The following NBPF26 variants were observed in gnomAD, a reference collection of about 807,000 sequenced individuals.
NBPF26 encodes the protein NBPF member 26, also known as NBPF family member NBPF26.
Under a neutral mutation model 119.6 loss-of-function variants are expected in NBPF26, and 79 were observed. That is an observed-to-expected ratio of 0.66 (90% CI 0.55 to 0.80). NBPF26 has a LOEUF of 0.80. Ranked by LOEUF, NBPF26 falls within the 30% of genes least tolerant of loss-of-function variation. NBPF26 has a pLI of 0.00. For missense variants in NBPF26, 800 were observed against 1,198.2 expected (o/e 0.67, Z 4.91); for synonymous variants, 299 against 457.7 (o/e 0.65, Z 4.43).
Position 120,802,359 on chromosome 1 carries a change from A to G in NBPF26, c.752-3197A>G, listed in dbSNP as rs1651592403. On this transcript the variant is annotated intron_variant, in intron 4 of 29. Transcript: ENST00000620612. Reference sequence around the variant, plus strand: ...CATTGAGCTGCATCACATCATTCCAAAGCCAAAACACAACAGCAGGACAAG... The same window carrying G: ...CATTGAGCTGCATCACATCATTCCAGAGCCAAAACACAACAGCAGGACAAG... Among the ~76,000 whole-genome samples the G allele has an allele frequency of 2.4e-5, 3 of 126,172 alleles. 1 individual carries two copies. The highest frequency in any genetic ancestry group is 4.9e-5 in the Non-Finnish European group (3 of 61,632). 82.8% of individuals were successfully genotyped at this position (126,172 alleles called of 152,430 possible). A position where few individuals can be genotyped will look rare whatever the true frequency, so the allele number is the denominator to read the frequency against.
At position 120,814,882 on chromosome 1, in the gene NBPF26, A is replaced by C. The variant is rs1651972603; in HGVS notation, c.1931A>C (p.Glu644Ala). 28 of 1,257,002 alleles carry C rather than the reference A, an allele frequency of 2.2e-5. 6 individuals carry two copies. The Admixed American group carries it at 4.7e-4, about 21-fold the overall frequency. The allele number at this position is 1,257,002 out of a possible 1,614,324, so 77.9% of individuals were successfully genotyped here. The change falls in exon 12 of 30, where the codon GAG (glutamate) becomes GCG (alanine). Residue 644 changes from glutamate to alanine, a missense_variant. Physicochemically the swap from Glu to Ala is moderately radical, Grantham distance 107. This residue lies in a region of NBPF26 where 22 missense variants were observed against 33.0 expected (regional missense o/e 0.67). Coordinates refer to ENST00000620612, the Ensembl canonical transcript of NBPF26. ...GAACGAGAGCTGACCCAGTTAAGGG[A>C]GAAGTTGCGGGAAGGGAGAGATGCC...
intron 4 of NBPF26, among the ~76,000 whole-genome samples, chr1:120,795,917 AAT>A (rs1207962421): frequency 5.3e-4 from 9 of 17,056 alleles, no homozygotes; most frequent in South Asian, 2.9e-3. Flanking sequence ...GTTACATATC[AAT>A]ATGTGTGTGT....
chr1:120,790,671 C>T (rs1651482361), intron 3 of NBPF26, among the ~76,000 whole-genome samples: 1 of 108,982 alleles, frequency 9.2e-6, no homozygotes, highest in Admixed American at 9.0e-5. Context: ...GCAGTCTCGG[C>T]TCACTGCAAC....
chr1:120,782,580 G>A (rs1218243984), intron 2 of NBPF26, among the ~76,000 whole-genome samples: 2 of 96,676 alleles, frequency 2.1e-5, no homozygotes, highest in African/African-American at 5.1e-5. Flanking sequence ...GGCCTTTTGT[G>A]TGTGGCTTCT....
At position 120,784,818 on chromosome 1, in the gene NBPF26, T is replaced by A. The variant is rs1164382407; in HGVS notation, c.156-156T>A. 4.2e-5 allele frequency among the ~76,000 whole-genome samples: 5 copies of A among 119,194 alleles called. 1 individual carries two copies. Among genetic ancestry groups the A allele is most frequent in the Admixed American group, 3.2e-4 (4 of 12,540 alleles). The allele number at this position is 119,194 out of a possible 152,430, so 78.2% of individuals were successfully genotyped here. A position where few individuals can be genotyped will look rare whatever the true frequency, so the allele number is the denominator to read the frequency against. On this transcript the variant is annotated intron_variant, in intron 2 of 29. Transcript: ENST00000620612. ...GTACGTGGTTAAGTTCTCTAAGGACTCTTTCTTCTAAAGGGAAGCAGTTTT... is the reference window on the plus strand; with the variant it reads ...GTACGTGGTTAAGTTCTCTAAGGACACTTTCTTCTAAAGGGAAGCAGTTTT...
chr1:120,801,744 G>A (rs1651584214), intron 4 of NBPF26, among the ~76,000 whole-genome samples: 2 of 95,232 alleles, frequency 2.1e-5, no homozygotes, highest in East Asian at 2.5e-4. Flanking sequence ...CAGGAGGATC[G>A]CTTGAGCCTA....
At chr1:120,778,606 G>GTTT (rs1295507724) in intron 2 of NBPF26, among the ~76,000 whole-genome samples, 1 of 16,410 alleles carries the variant, frequency 6.1e-5, no homozygotes, top group Non-Finnish European at 9.7e-5. Context: ...CCAAATCCTC[G>GTTT]TTTTAAAAAA....
In NBPF26 at chr1:120,840,221, T is replaced by C; in HGVS notation, c.4104-129T>C. On this transcript the variant is annotated intron_variant, in intron 29 of 29. Transcript: ENST00000620612. ...CCAACATAAAGGCAATAAATTTTTT[T>C]TTTACCTCATTAATGGATCTATCCT... 3.7e-6 allele frequency: 5 copies of C among 1,341,726 alleles called. 1 individual carries two copies. Among genetic ancestry groups the C allele is most frequent in the Non-Finnish European group, 4.9e-6 (5 of 1,018,100 alleles). 83.1% of individuals were successfully genotyped at this position (1,341,726 alleles called of 1,614,324 possible). A position where few individuals can be genotyped will look rare whatever the true frequency, so the allele number is the denominator to read the frequency against.
chr1:120,793,478 G>C lies in NBPF26; in HGVS notation c.733G>C (p.Glu245Gln). 8 of 1,387,252 alleles carry C rather than the reference G, an allele frequency of 5.8e-6. 2 individuals are homozygous for C. Among genetic ancestry groups the C allele is most frequent in the Non-Finnish European group, 7.8e-6 (8 of 1,032,242 alleles). The allele number at this position is 1,387,252 out of a possible 1,614,324, so 85.9% of individuals were successfully genotyped here. A position where few individuals can be genotyped will look rare whatever the true frequency, so the allele number is the denominator to read the frequency against. Residue 245 changes from glutamate to glutamine, a missense_variant, in exon 4 of 30, where the codon GAG (glutamate) becomes CAG (glutamine). Glu to Gln is a conservative substitution (Grantham distance 29). Around this residue, in one of 13 missense-constraint regions of NBPF26, gnomAD observed 155 missense variants for 143.7 expected, o/e 1.08. Coordinates refer to ENST00000620612, the Ensembl canonical transcript of NBPF26. ...TCGGCAGACTGGTGACTTCACTTTT[G>C]AGTGCAACTGCCTTCCAGGTAAGGA...
At chr1:120,765,405 C>T (rs1651180372) in intron 2 of NBPF26, among the ~76,000 whole-genome samples, 1 of 63,154 alleles carries the variant, frequency 1.6e-5, no homozygotes, top group Admixed American at 1.6e-4. Flanking sequence ...TAGTCTTATG[C>T]ATTTTTTGCA....
Position 120,814,942 on chromosome 1 carries a change from TCACTCCGGATGAGC to T in NBPF26, c.1993_2006del (p.Thr665GlyfsTer14). The T allele has an allele frequency of 9.1e-7, 1 of 1,093,618 alleles. No homozygotes were observed. Among genetic ancestry groups the T allele is most frequent in the Non-Finnish European group, 1.3e-6 (1 of 753,136 alleles). The allele number at this position is 1,093,618 out of a possible 1,614,324, so 67.7% of individuals were successfully genotyped here. The stretch of plus-strand genomic sequence containing the variant: ...TTGAATGAGCATCTCCAGGCCCTCC[TCACTCCGGATGAGC>T]CGGACAAGTCCCAGGGGCAGGACCT... On this transcript the variant is annotated frameshift_variant, in exon 12 of 30. Transcript: ENST00000620612. LOFTEE classifies it high-confidence loss of function.
In NBPF26 at chr1:120,776,252, G is replaced by T. The variant is rs1370420132; in HGVS notation, c.156-8722G>T. Reference sequence around the variant, plus strand: ...GGCTCAGGGTTATTAAGAACAGAGGGGGTATCAAGGCTGTTTTTCACAGGA... The same window carrying T: ...GGCTCAGGGTTATTAAGAACAGAGGTGGTATCAAGGCTGTTTTTCACAGGA... On this transcript the variant is annotated intron_variant, in intron 2 of 29. Coordinates refer to ENST00000620612, the Ensembl canonical transcript of NBPF26. 2.6e-5 allele frequency among the ~76,000 whole-genome samples: 3 copies of T among 115,220 alleles called. 1 individual carries two copies. Among genetic ancestry groups the T allele is most frequent in the Non-Finnish European group, 5.0e-5 (3 of 60,540 alleles). The allele number at this position is 115,220 out of a possible 152,430, so 75.6% of individuals were successfully genotyped here. A position where few individuals can be genotyped will look rare whatever the true frequency, so the allele number is the denominator to read the frequency against.
chr1:120,724,756 C>T (rs1423407189), intron 1 of NBPF26, among the ~76,000 whole-genome samples: 1 of 117,616 alleles, frequency 8.5e-6, no homozygotes, highest in African/African-American at 4.4e-5. Context: ...GGTGTGTGGG[C>T]TTGGTTTGGA....
At chr1:120,840,308 G>C in intron 29 of NBPF26, 42 bp from the exon 36 acceptor site, 2 of 1,443,492 alleles carry the variant, frequency 1.4e-6, no homozygotes, top group East Asian at 2.3e-5. Context: ...TGTGGTGTCC[G>C]ATTTTCCCTG....
intron 4 of NBPF26, among the ~76,000 whole-genome samples, chr1:120,804,546 C>A (rs1651630718): frequency 9.4e-6 from 1 of 106,370 alleles, no homozygotes; most frequent in Non-Finnish European, 1.8e-5. Flanking sequence ...CAAAACTTCC[C>A]AAGATAGATG....
At chr1:120,761,288 C>A (rs1651134331) in intron 1 of NBPF26, among the ~76,000 whole-genome samples, 1 of 115,658 alleles carries the variant, frequency 8.6e-6, no homozygotes, top group Non-Finnish European at 1.7e-5. Flanking sequence ...ATTATGTACT[C>A]CAGGTTTCTT....
intron 9 of NBPF26, 81 bp from the exon 10 acceptor site, chr1:120,811,805 G>A: frequency 1.4e-6 from 1 of 690,890 alleles, no homozygotes; most frequent in South Asian, 1.5e-5. Context: ...AAGGCTACCA[G>A]TGACATCCCT....
chr1:120,805,564 T>G, exon 5 of NBPF26: 1 of 1,417,776 alleles, frequency 7.1e-7, no homozygotes, highest in Non-Finnish European at 9.6e-7. Context: ...AGTCCCTGAC[T>G]CCACCTCTTC....
At chr1:120,810,281 G>T (rs1651827662) in intron 8 of NBPF26, 66 bp from the exon 9 acceptor site, 2 of 1,464,974 alleles carry the variant, frequency 1.4e-6, no homozygotes, top group East Asian at 2.3e-5. Context: ...AACCAGCTAG[G>T]ACTCCATGGG....
Sources: gnomAD v4.1 joint callset for allele counts (sites outside exome capture counted in the v4.1 genomes callset) on GRCh38, gnomAD v4.1.1 for gene constraint, gnomAD v4.1.1 regional missense constraint, MANE v1.5 for transcripts, NCBI Gene and HGNC (gene_info 2026-07-23, HGNC 2026-07-21) for gene names.